The following LGSN variants were observed in gnomAD, a reference collection of about 807,000 sequenced individuals.
LGSN encodes the protein lengsin, lens protein with glutamine synthetase domain.
In LGSN, 21 loss-of-function variants were observed where a neutral mutation model predicts 19.5. That is an observed-to-expected ratio of 1.07 (90% CI 0.76 to 1.55). The LOEUF (loss-of-function observed/expected upper bound fraction) is 1.55, where lower values mean the gene tolerates loss of function less well. Ranked by LOEUF, LGSN falls within the 40% of genes most tolerant of loss-of-function variation. The pLI, the probability that LGSN is intolerant of heterozygous loss-of-function variation, is 0.00. For synonymous variants in LGSN, 257 were observed against 215.6 expected, an observed-to-expected ratio of 1.19 and a Z score of -1.68; for missense variants, 673 against 608.5, an observed-to-expected ratio of 1.11 and a Z score of -1.12.
chr6:63,425,583 T>A, the LGSN span, among the ~76,000 whole-genome samples: 1 of 151,998 alleles, frequency 6.6e-6, no homozygotes, highest in Non-Finnish European at 1.5e-5. Flanking sequence ...ACTATAGAAA[T>A]GGAGAATAAA....
At chr6:63,432,102 AAAGAAAGAAAG>A in the LGSN span, among the ~76,000 whole-genome samples, 208 of 88,030 alleles carry the variant, frequency 2.4e-3, no homozygotes, top group Middle Eastern at 0.016. Flanking sequence ...AGAAAGAAAG[AAAGAAAGAAAG>A]AAAGAAAGAA....
chr6:63,320,086 A>G (rs912914106), upstream of LGSN: 1 of 649,728 alleles, frequency 1.5e-6, no homozygotes, highest in African/African-American at 1.8e-5. Flanking sequence ...GCAGGTAATA[A>G]AAGATAAACA....
intron 1 of LGSN, among the ~76,000 whole-genome samples, chr6:63,306,127 A>C (rs1454508123): frequency 6.6e-6 from 1 of 152,204 alleles, no homozygotes; most frequent in Non-Finnish European, 1.5e-5. Flanking sequence ...TTTTAAAAGC[A>C]TTGCCATATC....
At chr6:63,456,335 A>G in the LGSN span, among the ~76,000 whole-genome samples, 1 of 132,510 alleles carries the variant, frequency 7.5e-6, no homozygotes, top group Non-Finnish European at 1.6e-5. Context: ...GCAGACCTCA[A>G]ACTTGGCAGA....
At chr6:63,407,180 A>G in the LGSN span, among the ~76,000 whole-genome samples, 9,882 of 151,124 alleles carry the variant, frequency 0.065, 525 homozygotes, top group African/African-American at 0.15. Context: ...CTCATTTTAT[A>G]AGGCCAGCAT....
At chr6:63,537,813 T>C in the LGSN span, among the ~76,000 whole-genome samples, 1 of 152,182 alleles carries the variant, frequency 6.6e-6, no homozygotes, top group Non-Finnish European at 1.5e-5. Context: ...TCCTAACCCG[T>C]AGGGCACAAT....
At chr6:63,455,631 G>A in the LGSN span, among the ~76,000 whole-genome samples, 4 of 152,086 alleles carry the variant, frequency 2.6e-5, no homozygotes, top group African/African-American at 9.7e-5. Context: ...GCATGTGCCT[G>A]TAATCCCAGC....
chr6:63,555,154 C>G, the LGSN span, among the ~76,000 whole-genome samples: 3 of 152,052 alleles, frequency 2.0e-5, no homozygotes, highest in African/African-American at 7.3e-5. Flanking sequence ...GCTAACTGAC[C>G]CTTTCTTCTT....
At chr6:63,535,113 G>A in the LGSN span, among the ~76,000 whole-genome samples, 1 of 151,878 alleles carries the variant, frequency 6.6e-6, no homozygotes, top group African/African-American at 2.4e-5. Flanking sequence ...CAGTATTTTA[G>A]GTAATAAAAT....
chr6:63,336,559 G>GTATATA, the LGSN span, among the ~76,000 whole-genome samples: 654 of 124,692 alleles, frequency 5.2e-3, 1 homozygote, highest in South Asian at 0.01. Flanking sequence ...GTGTGTGTGT[G>GTATATA]TGTATATATA....
the LGSN span, among the ~76,000 whole-genome samples, chr6:63,354,073 G>T: frequency 2.0e-5 from 3 of 152,036 alleles, no homozygotes; most frequent in East Asian, 1.9e-4. Flanking sequence ...ACACTTTAGG[G>T]CATTGGTCTA....
chr6:63,558,045 T>C, the LGSN span, among the ~76,000 whole-genome samples: 1 of 152,040 alleles, frequency 6.6e-6, no homozygotes, highest in Non-Finnish European at 1.5e-5. Flanking sequence ...GTAATTTTTG[T>C]ATTTTTAGTA....
chr6:63,403,000 C>T, the LGSN span, among the ~76,000 whole-genome samples: 1 of 152,068 alleles, frequency 6.6e-6, no homozygotes, highest in African/African-American at 2.4e-5. Flanking sequence ...TGCCAACCTA[C>T]CCTGTAGATT....
chr6:63,454,099 TCTC>T, the LGSN span, among the ~76,000 whole-genome samples: 1 of 152,228 alleles, frequency 6.6e-6, no homozygotes, highest in South Asian at 2.1e-4. Context: ...CTTTTAGTGT[TCTC>T]CTGATGCTAC....
chr6:63,354,362 C>A, the LGSN span, among the ~76,000 whole-genome samples: 5 of 151,968 alleles, frequency 3.3e-5, no homozygotes, highest in Admixed American at 3.3e-4. Flanking sequence ...GACGAAGACA[C>A]ACAAATGGCC....
At chr6:63,471,843 G>A in the LGSN span, among the ~76,000 whole-genome samples, 2 of 152,056 alleles carry the variant, frequency 1.3e-5, no homozygotes, top group Admixed American at 6.6e-5. Flanking sequence ...GAGGTCATGA[G>A]GGTGGGGACC....
At chr6:63,532,597 C>G in the LGSN span, among the ~76,000 whole-genome samples, 1 of 152,072 alleles carries the variant, frequency 6.6e-6, no homozygotes, top group Non-Finnish European at 1.5e-5. Context: ...ATTCACTATC[C>G]CCTTATTAAA....
At chr6:63,336,519 CTGTGTGTGTG>C in the LGSN span, among the ~76,000 whole-genome samples, 1,462 of 132,108 alleles carry the variant, frequency 0.011, 40 homozygotes, top group African/African-American at 0.039. Context: ...TATAGAATAT[CTGTGTGTGTG>C]TGTGTGTGTG....
At chr6:63,378,471 C>T in the LGSN span, among the ~76,000 whole-genome samples, 1 of 152,058 alleles carries the variant, frequency 6.6e-6, no homozygotes, top group African/African-American at 2.4e-5. Context: ...GGCTGTCTTA[C>T]TCTATTTGTG....
Sources: gnomAD v4.1 joint callset for allele counts (sites outside exome capture counted in the v4.1 genomes callset) on GRCh38, gnomAD v4.1.1 for gene constraint, MANE v1.5 for transcripts, NCBI Gene and HGNC (gene_info 2026-07-23, HGNC 2026-07-21) for gene names.